The following UTP6 variants were observed in gnomAD, a reference collection of about 807,000 sequenced individuals.
UTP6 encodes U3 small nucleolar RNA-associated protein 6 homolog.
UTP6 carries 60 observed loss-of-function variants against 96.5 expected under a neutral mutation model. That is an observed-to-expected ratio of 0.62 (90% CI 0.51 to 0.77). The LOEUF is 0.77. UTP6 is among the 30% of genes least tolerant of loss of function. The probability of loss-of-function intolerance (pLI) is 0.00; values close to 1 mark genes in which losing one functional copy is unlikely to be tolerated. For missense variants in UTP6, 637 were observed against 706.5 expected (o/e 0.90, Z 1.12); for synonymous variants, 215 against 240.1 (o/e 0.90, Z 0.96).
chr17:31,862,325 T>C lies in UTP6; in HGVS notation c.*1034A>G, dbSNP rs1909588334. 6.6e-6 allele frequency: 1 copy of C among 152,126 alleles called. No individual in the cohort carries two copies. Among genetic ancestry groups the C allele is most frequent in the African/African-American group, 2.4e-5 (1 of 41,426 alleles). 9.4% of individuals were successfully genotyped at this position (152,126 alleles called of 1,614,324 possible). A position where few individuals can be genotyped will look rare whatever the true frequency, so the allele number is the denominator to read the frequency against. ...AAAAAAGACAGTCTAACCAGAGGATTAGTAAAATATATTATGGCTCATTTT... is the reference window on the plus strand; with the variant it reads ...AAAAAAGACAGTCTAACCAGAGGATCAGTAAAATATATTATGGCTCATTTT... On this transcript the variant is annotated 3_prime_UTR_variant, in exon 19 of 19. Transcript: ENST00000261708.
chr17:31,899,825 C>T (rs962808915), intron 1 of UTP6, 95 bp from the exon 2 acceptor site: 27 of 909,370 alleles, frequency 3.0e-5, no homozygotes, highest in African/African-American at 2.8e-4. Flanking sequence ...TTTCAAAATA[C>T]GAAATTCCTA....
At chr17:31,880,902 G>A (rs1022606395) in intron 10 of UTP6, 148 bp from the exon 11 acceptor site, 21 of 1,085,402 alleles carry the variant, frequency 1.9e-5, no homozygotes, top group Non-Finnish European at 2.5e-5. Context: ...GGCCGGGCCC[G>A]GTGGCTCACG....
At chr17:31,885,189 C>T (rs1598109768) in intron 9 of UTP6, among the ~76,000 whole-genome samples, 2 of 152,012 alleles carry the variant, frequency 1.3e-5, no homozygotes, top group Non-Finnish European at 2.9e-5. Context: ...GAGATGAAGT[C>T]TCGCTCTGTT....
intron 7 of UTP6, 43 bp from the exon 8 acceptor site, chr17:31,887,356 TA>T: frequency 6.3e-7 from 1 of 1,582,940 alleles, no homozygotes; most frequent in Non-Finnish European, 8.7e-7. Flanking sequence ...AGATGCTTTT[TA>T]AAATTTTTTT....
Position 31,878,696 on chromosome 17 carries a change from C to T in UTP6, c.1047+6G>A. On this transcript the variant is annotated splice_donor_region_variant and intron_variant, in intron 12 of 18. Transcript: ENST00000261708. The stretch of plus-strand genomic sequence containing the variant: ...GTCAACCACTGTAACCATGTAACAA[C>T]CTCACCTTCCCTCTAAGGAACCCAC... 3 of 1,613,546 alleles carry T rather than the reference C, an allele frequency of 1.9e-6. No homozygotes were observed. The highest frequency in any genetic ancestry group is 2.5e-6 in the Non-Finnish European group (3 of 1,179,654).
At position 31,875,401 on chromosome 17, in the gene UTP6, G is replaced by A; in HGVS notation, c.1138C>T (p.Leu380=). 6.2e-7 allele frequency: 1 copy of A among 1,613,832 alleles called. No individual in the cohort carries two copies. Among genetic ancestry groups the A allele is most frequent in the East Asian group, 2.2e-5 (1 of 44,882 alleles). ...CQYKQLSVSL[L]CYNFLREALE... Reference sequence around the variant, plus strand: ...GCTTCCCTCAGGAAGTTATAACACAGCAACGAAACACTCTAGACAAGATGA... The same window carrying A: ...GCTTCCCTCAGGAAGTTATAACACAACAACGAAACACTCTAGACAAGATGA... Residue 380 remains leucine, a synonymous_variant, in exon 14 of 19, where the codon CTG becomes TTG. Coordinates refer to ENST00000261708, the MANE Select transcript of UTP6 (RefSeq NM_018428.3).
chr17:31,888,185 G>A (rs1911262771), intron 7 of UTP6: 3 of 151,746 alleles, frequency 2.0e-5, no homozygotes. Context: ...GAGACAGAAA[G>A]AACATGGAGA....
At position 31,880,577 on chromosome 17, in the gene UTP6, T is replaced by G. The variant is rs748408919; in HGVS notation, c.963A>C (p.Pro321=). The change falls in exon 11 of 19, where the codon CCA becomes CCC. Residue 321 remains proline (P), a synonymous_variant. Transcript: ENST00000261708. ...AVYEEAVKTL[P]TEAMWKCYIT... Reference sequence around the variant, plus strand: ...CCATGGTTTGGTGAAGTTCACCTGTTGGCAGAGTCTTCACTGCCTCTTCAT... The same window carrying G: ...CCATGGTTTGGTGAAGTTCACCTGTGGGCAGAGTCTTCACTGCCTCTTCAT... 8.2e-5 allele frequency: 132 copies of G among 1,614,070 alleles called. No homozygotes were observed. Among genetic ancestry groups the G allele is most frequent in the Non-Finnish European group, 1.1e-4 (131 of 1,180,036 alleles).
At chr17:31,899,413 C>T (rs1465301051) in intron 2 of UTP6, among the ~76,000 whole-genome samples, 1 of 152,112 alleles carries the variant, frequency 6.6e-6, no homozygotes, top group African/African-American at 2.4e-5. Flanking sequence ...GGCAATGTGG[C>T]AAAACCCAGT....
At chr17:31,897,478 G>A (rs1012197250) in intron 2 of UTP6, among the ~76,000 whole-genome samples, 6 of 121,588 alleles carry the variant, frequency 4.9e-5, no homozygotes, top group Admixed American at 1.1e-4. Flanking sequence ...ATGGAGTTTC[G>A]CTCTTGTCTC....
chr17:31,876,688 A>C (rs1051847172), intron 13 of UTP6, among the ~76,000 whole-genome samples: 2 of 151,810 alleles, frequency 1.3e-5, no homozygotes, highest in African/African-American at 4.8e-5. Context: ...TCACTATGCC[A>C]GAACACATGC....
At chr17:31,879,426 T>C (rs1360572386) in intron 11 of UTP6, among the ~76,000 whole-genome samples, 2 of 150,814 alleles carry the variant, frequency 1.3e-5, no homozygotes, top group African/African-American at 2.4e-5. Flanking sequence ...TCCTAGCAAG[T>C]TGGGAGGCCG....
intron 16 of UTP6, 96 bp downstream of exon 16, chr17:31,873,282 C>T: frequency 2.6e-6 from 3 of 1,162,260 alleles, no homozygotes; most frequent in Admixed American, 4.2e-5. Flanking sequence ...TATCAGATTA[C>T]TCCCTCAGAT....
intron 16 of UTP6, among the ~76,000 whole-genome samples, chr17:31,868,325 G>GTTTTTTTTTTTTTTTT (rs33960994): frequency 1.1e-5 from 1 of 90,504 alleles, no homozygotes; most frequent in Admixed American, 1.5e-4. Flanking sequence ...TAGTTTTTTG[G>GTTTTTTTTTTTTTTTT]TTTTTTTTTT....
intron 16 of UTP6, 38 bp from the exon 17 acceptor site, chr17:31,868,150 C>CA (rs1480287687): frequency 6.3e-7 from 1 of 1,582,818 alleles, no homozygotes; most frequent in East Asian, 2.3e-5. Context: ...TCAACAATGA[C>CA]AAAAAGCCTC....
chr17:31,863,669 TTAAAG>T (rs1909655089), intron 18 of UTP6, among the ~76,000 whole-genome samples, 153 bp from the exon 19 acceptor site: 1 of 152,170 alleles, frequency 6.6e-6, no homozygotes, highest in African/African-American at 2.4e-5. Context: ...CTTAGCTTCT[TTAAAG>T]TATAGTGGCA....
Position 31,887,246 on chromosome 17 carries a change from C to CT in UTP6, c.610dup (p.Ser204LysfsTer8). 2.5e-6 allele frequency: 4 copies of CT among 1,614,006 alleles called. No individual in the cohort carries two copies. The highest frequency in any genetic ancestry group is 3.4e-6 in the Non-Finnish European group (4 of 1,179,878). On this transcript the variant is annotated frameshift_variant, in exon 8 of 19. Transcript: ENST00000261708. LOFTEE classifies it high-confidence loss of function. ...TAATTAGAACCTTACCACATCCATA[C>CT]TGGCTTTTTCAAATTCTTCCTTCTC...
intron 10 of UTP6, among the ~76,000 whole-genome samples, chr17:31,883,246 T>C (rs1266553549): frequency 2.7e-5 from 4 of 150,724 alleles, no homozygotes; most frequent in East Asian, 1.9e-4. Flanking sequence ...ACTATAAACA[T>C]ATGAGTATAA....
chr17:31,872,968 G>C (rs1278490988), intron 16 of UTP6, among the ~76,000 whole-genome samples: 1 of 151,004 alleles, frequency 6.6e-6, no homozygotes, highest in African/African-American at 2.4e-5. Flanking sequence ...ACAGTGTATT[G>C]GGTCAGGTGT....
Sources: gnomAD v4.1 joint callset for allele counts (sites outside exome capture counted in the v4.1 genomes callset) on GRCh38, gnomAD v4.1.1 for gene constraint, MANE v1.5 for transcripts, NCBI Gene and HGNC (gene_info 2026-07-23, HGNC 2026-07-21) for gene names.